Variants in DAB1 observed in about 807,000 individuals in gnomAD.
DAB1 encodes disabled homolog 1.
DAB1 carries 15 observed loss-of-function variants against 64.6 expected under a neutral mutation model. The observed-to-expected ratio is 0.23, with a 90% CI of 0.16 to 0.36. DAB1 has a LOEUF of 0.36. Ranked by LOEUF, DAB1 falls within the 10% of genes least tolerant of loss-of-function variation. The pLI, the probability that DAB1 is intolerant of heterozygous loss-of-function variation, is 1.00. For synonymous variants in DAB1, 235 were observed against 251.9 expected (o/e 0.93, Z 0.64); for missense variants, 596 against 706.7 (o/e 0.84, Z 1.78).
At chr1:57,610,317 G>T (rs1467143050) in intron 7 of DAB1, among the ~76,000 whole-genome samples, 1 of 152,144 alleles carries the variant, frequency 6.6e-6, no homozygotes, top group Non-Finnish European at 1.5e-5. Flanking sequence ...TTCTTGCTGA[G>T]CCTCACCATG....
Position 57,136,608 on chromosome 1 carries a change from G to A in DAB1, c.241C>T (p.His81Tyr), listed in dbSNP as rs1338074108. 1 of 1,546,890 alleles carries A rather than the reference G, an allele frequency of 6.5e-7. No individual in the cohort carries two copies. The highest frequency in any genetic ancestry group is 8.8e-7 in the Non-Finnish European group (1 of 1,132,820). The change falls in exon 4 of 15, where the codon CAC becomes TAC. Residue 81 changes from histidine (H) to tyrosine (Y), a missense_variant. His to Tyr is a moderately conservative substitution (Grantham distance 83, BLOSUM62 2). Transcript: ENST00000371236. ...VVAGARSKGE[H>Y]KQKIFLTISF... ...ATGGTTAAAAAGATTTTCTGTTTGT[G>A]TTCTCCTTTGGAACGAGCGCCAGCA...
intron 1 of DAB1, among the ~76,000 whole-genome samples, chr1:57,313,751 C>T (rs1674941641): frequency 3.9e-5 from 6 of 152,116 alleles, no homozygotes; most frequent in Admixed American, 3.9e-4. Flanking sequence ...ATGTTTATGC[C>T]CCCTCTTCCT....
chr1:58,281,288 C>A (rs1175779346), intron 4 of DAB1, among the ~76,000 whole-genome samples: 1 of 151,788 alleles, frequency 6.6e-6, no homozygotes, highest in Admixed American at 6.6e-5. Flanking sequence ...CCACCAAACT[C>A]CAGGAATTTG....
intron 1 of DAB1, among the ~76,000 whole-genome samples, chr1:57,403,845 T>G (rs193147043): frequency 6.6e-6 from 1 of 152,014 alleles, no homozygotes; most frequent in Admixed American, 6.6e-5. Flanking sequence ...ATGTAGAAAA[T>G]TTTTCAGTTT....
At chr1:57,641,378 GGTTTTTTT>G (rs1646126705) in intron 7 of DAB1, among the ~76,000 whole-genome samples, 1 of 109,804 alleles carries the variant, frequency 9.1e-6, no homozygotes, top group African/African-American at 3.3e-5. Flanking sequence ...TTTTTTTGTT[GGTTTTTTT>G]TTTTTTTTTT....
At chr1:57,314,100 G>T (rs958809312) in intron 1 of DAB1, among the ~76,000 whole-genome samples, 1 of 152,136 alleles carries the variant, frequency 6.6e-6, no homozygotes, top group Admixed American at 6.6e-5. Flanking sequence ...AAGAAAACAG[G>T]ATTCTGCATC....
At chr1:57,553,527 T>C (rs1460911996) in intron 7 of DAB1, among the ~76,000 whole-genome samples, 1 of 105,574 alleles carries the variant, frequency 9.5e-6, no homozygotes, top group Non-Finnish European at 2.2e-5. Flanking sequence ...AGAAGAGGCA[T>C]GTACAACAAA....
At position 58,067,112 on chromosome 1, in the gene DAB1, C is replaced by G. The variant is rs995127066; in HGVS notation, n.387+83399G>C. 2.0e-5 allele frequency among the ~76,000 whole-genome samples: 3 copies of G among 152,322 alleles called. No individual in the cohort carries two copies. In the East Asian group the frequency reaches 5.8e-4, roughly 29 times the overall value. ...GCATCAGACCCTCTTGTTATTCTCT[C>G]CTATTACACACTTCCTTTTTCCTTT... On this transcript the variant is annotated intron_variant and non_coding_transcript_variant, in intron 5 of 20. Coordinates refer to the DAB1 transcript ENST00000485760.
At chr1:57,993,177 A>C (rs1274625431) in intron 5 of DAB1, among the ~76,000 whole-genome samples, 1 of 151,882 alleles carries the variant, frequency 6.6e-6, no homozygotes, top group Non-Finnish European at 1.5e-5. Context: ...CTATTCCTCC[A>C]TTTCTCCTGG....
At chr1:57,798,792 T>C (rs372819803) in intron 6 of DAB1, among the ~76,000 whole-genome samples, 1 of 152,212 alleles carries the variant, frequency 6.6e-6, no homozygotes, top group East Asian at 1.9e-4. Context: ...TCTGTGTGGA[T>C]TTTGCAATTG....
rs147799078 is a variant in DAB1, at chr1:58,430,845, C to G, written n.257+75215G>C. Reference sequence around the variant, plus strand: ...GTTTCCTTAGTAACCAAGTACTTAGCTAAACCTGTGGCTCAGTGTGAGCGA... The same window carrying G: ...GTTTCCTTAGTAACCAAGTACTTAGGTAAACCTGTGGCTCAGTGTGAGCGA... On this transcript the variant is annotated intron_variant and non_coding_transcript_variant, in intron 3 of 20. Transcript: ENST00000485760. Among the ~76,000 whole-genome samples the G allele has an allele frequency of 3.5e-4, 53 of 152,302 alleles. No homozygotes were observed. In the East Asian group the frequency reaches 7.9e-3, roughly 23 times the overall value.
chr1:58,484,544 T>C (rs1054740339), intron 3 of DAB1, among the ~76,000 whole-genome samples: 3 of 152,182 alleles, frequency 2.0e-5, no homozygotes, highest in Non-Finnish European at 1.5e-5. Context: ...TTAGAAAATA[T>C]CAGCTCAATT....
intron 2 of DAB1, among the ~76,000 whole-genome samples, chr1:57,273,446 C>G (rs917426716): frequency 8.5e-5 from 13 of 152,092 alleles, no homozygotes; most frequent in Admixed American, 2.6e-4. Context: ...GCAACTTTGG[C>G]TTAAGTACTC....
intron 2 of DAB1, among the ~76,000 whole-genome samples, chr1:57,204,431 T>C (rs945455966): frequency 1.4e-5 from 1 of 69,822 alleles, no homozygotes; most frequent in South Asian, 4.6e-4. Flanking sequence ...GAACACAAAA[T>C]AAAAACACTG....
At position 57,295,745 on chromosome 1, in the gene DAB1, A is replaced by C. The variant is rs113523073; in HGVS notation, c.-136-4579T>G. ...TGATGTGACTGGGTGCCAGGGTAAA[A>C]GGGTTATGGCAGAGGGTGATACTCC... On this transcript the variant is annotated intron_variant, in intron 1 of 14. Coordinates refer to ENST00000371236, the MANE Select transcript of DAB1 (RefSeq NM_001365792.1). 5.7e-3 allele frequency among the ~76,000 whole-genome samples: 875 copies of C among 152,248 alleles called. 22 individuals are homozygous for C. The highest frequency in any genetic ancestry group is 0.02 in the African/African-American group (848 of 41,548).
At chr1:57,553,808 G>A (rs1177894317) in intron 7 of DAB1, among the ~76,000 whole-genome samples, 3 of 152,146 alleles carry the variant, frequency 2.0e-5, no homozygotes, top group Non-Finnish European at 2.9e-5. Flanking sequence ...ACTGAGGCTG[G>A]CAACAGGGTG....
chr1:57,338,416 G>A (rs17456884), intron 1 of DAB1, among the ~76,000 whole-genome samples: 14,569 of 152,102 alleles, frequency 0.096, 780 homozygotes, highest in Middle Eastern at 0.13. Flanking sequence ...ATTATGTTGA[G>A]CTACCTCATT....
At chr1:58,274,640 G>T (rs1357542522) in intron 4 of DAB1, among the ~76,000 whole-genome samples, 1 of 151,950 alleles carries the variant, frequency 6.6e-6, no homozygotes, top group African/African-American at 2.4e-5. Flanking sequence ...TCAGACTTCT[G>T]TGCTAGCAGT....
chr1:58,223,349 C>G (rs951270380), intron 4 of DAB1, among the ~76,000 whole-genome samples: 15 of 152,174 alleles, frequency 9.9e-5, no homozygotes, highest in African/African-American at 3.4e-4. Context: ...CAGCCAGGAC[C>G]AAAGGTATAA....
Sources: allele counts gnomAD v4.1 joint callset (sites outside exome capture counted in the v4.1 genomes callset), GRCh38; gene constraint gnomAD v4.1.1; transcripts MANE v1.5; gene names NCBI Gene and HGNC (gene_info 2026-07-23, HGNC 2026-07-21).